Variants in SP140L observed in about 807,000 individuals in gnomAD.
SP140L encodes the protein SP140 like nuclear body protein.
A neutral mutation model predicts 84.3 loss-of-function variants in SP140L; 64 were observed. That is an observed-to-expected ratio of 0.76 (90% confidence interval 0.62 to 0.94). The LOEUF (loss-of-function observed/expected upper bound fraction) is 0.94. Ranked by LOEUF, SP140L falls within the 40% of genes least tolerant of loss-of-function variation. The pLI, the probability that SP140L is intolerant of heterozygous loss-of-function variation, is 0.00. For missense variants in SP140L, 628 were observed against 692.5 expected (o/e 0.91, Z 1.05); for synonymous variants, 242 against 236.9 (o/e 1.02, Z -0.20).
At chr2:230,361,201 G>A (rs1049115370) in intron 4 of SP140L, among the ~76,000 whole-genome samples, 14 of 152,048 alleles carry the variant, frequency 9.2e-5, no homozygotes, top group South Asian at 2.1e-4. Flanking sequence ...ATGCTCCTGC[G>A]TCACCATCCC....
intron 2 of SP140L, among the ~76,000 whole-genome samples, chr2:230,354,000 C>T (rs542061062): frequency 1.2e-4 from 18 of 152,052 alleles, no homozygotes; most frequent in Non-Finnish European, 2.5e-4. Context: ...GAAACAAATT[C>T]CTTAACTCAG....
At chr2:230,388,464 G>A (rs1198978995) in intron 9 of SP140L, 95 bp from the exon 10 acceptor site, 7 of 1,007,344 alleles carry the variant, frequency 6.9e-6, no homozygotes, top group African/African-American at 1.7e-5. Flanking sequence ...ACAGGCTTTT[G>A]GAAAGTTACA....
At chr2:230,393,595 T>G in intron 13 of SP140L, 134 bp downstream of exon 13, 1 of 1,081,358 alleles carries the variant, frequency 9.2e-7, no homozygotes, top group Non-Finnish European at 1.2e-6. Flanking sequence ...CATATAAATT[T>G]TTTTAATATA....
At chr2:230,352,829 T>C (rs973747421) in intron 2 of SP140L, among the ~76,000 whole-genome samples, 1 of 151,156 alleles carries the variant, frequency 6.6e-6, no homozygotes, top group African/African-American at 2.4e-5. Context: ...TATATATATA[T>C]TTGTATACAC....
At chr2:230,398,961 T>G (rs561636494) in intron 14 of SP140L, among the ~76,000 whole-genome samples, 2 of 152,318 alleles carry the variant, frequency 1.3e-5, no homozygotes, top group African/African-American at 4.8e-5. Flanking sequence ...TCAGAAGTGT[T>G]GGTAGGAAAC....
chr2:230,376,614 A>T (rs2061247313), intron 7 of SP140L, among the ~76,000 whole-genome samples: 1 of 152,220 alleles, frequency 6.6e-6, no homozygotes. Context: ...CTGTTCATAA[A>T]CTGGAAGAAT....
intron 2 of SP140L, among the ~76,000 whole-genome samples, chr2:230,336,831 A>G (rs1388507115): frequency 1.3e-5 from 2 of 152,148 alleles, no homozygotes; most frequent in Non-Finnish European, 2.9e-5. Flanking sequence ...AGACTGGTAG[A>G]ATATATCTTT....
intron 4 of SP140L, 29 bp from the exon 5 acceptor site, chr2:230,361,585 A>C (rs1461383491): frequency 1.3e-6 from 2 of 1,530,270 alleles, no homozygotes; most frequent in South Asian, 1.2e-5. Context: ...CAGATCTTTA[A>C]TTGCTTTCTT....
intron 11 of SP140L, among the ~76,000 whole-genome samples, chr2:230,391,249 T>G (rs73112337): frequency 0.027 from 4,188 of 152,338 alleles, 200 homozygotes; most frequent in African/African-American, 0.095. Flanking sequence ...AAGGAATTGC[T>G]GAGTCAAATG....
intron 5 of SP140L, 60 bp from the exon 6 acceptor site, chr2:230,370,848 C>A: frequency 6.5e-7 from 1 of 1,548,230 alleles, no homozygotes; most frequent in Non-Finnish European, 8.9e-7. Context: ...AATTTTGCCC[C>A]GGGAGCAGAG....
intron 10 of SP140L, among the ~76,000 whole-genome samples, chr2:230,389,653 T>C (rs725202): frequency 0.27 from 41,243 of 152,066 alleles, 5,981 homozygotes; most frequent in Non-Finnish European, 0.31. Context: ...TGGAGCTTAC[T>C]ACACTGGAAG....
At chr2:230,336,635 C>A (rs193028534) in intron 2 of SP140L, among the ~76,000 whole-genome samples, 86 of 152,320 alleles carry the variant, frequency 5.6e-4, no homozygotes, top group Middle Eastern at 3.4e-3. Flanking sequence ...ACCCAGAATG[C>A]TCATTATTTT....
intron 2 of SP140L, among the ~76,000 whole-genome samples, chr2:230,329,660 A>G (rs1485651579): frequency 6.6e-6 from 1 of 152,124 alleles, no homozygotes. Flanking sequence ...TGAAGAAGAC[A>G]CTTGCTTCTC....
In SP140L at chr2:230,373,141, A is replaced by G. The variant is rs1340748205; in HGVS notation, c.637+1490A>G. ...CAGTTGGTTCATGAGGTTGAAGGAA[A>G]GAAGCTGTTTCATAACATTAAAGGG... is the stretch of plus-strand genomic sequence containing the variant. On this transcript the variant is annotated intron_variant, in intron 7 of 18. Transcript: ENST00000415673. Among the ~76,000 whole-genome samples, 3 of 152,374 alleles carry G rather than the reference A, an allele frequency of 2.0e-5. No individual in the cohort carries two copies. The East Asian group carries it at 5.8e-4, about 29-fold the overall frequency.
chr2:230,371,462 T>C, intron 6 of SP140L, 136 bp from the exon 7 acceptor site: 5 of 840,662 alleles, frequency 5.9e-6, no homozygotes, highest in Non-Finnish European at 7.4e-6. Context: ...GGGTTTTTGG[T>C]TCCTCTAGAA....
chr2:230,354,245 TC>T (rs1435844007), intron 2 of SP140L, among the ~76,000 whole-genome samples: 2 of 152,166 alleles, frequency 1.3e-5, no homozygotes, highest in African/African-American at 4.8e-5. Flanking sequence ...ACTTTGGAAA[TC>T]AATCAATGTG....
intron 5 of SP140L, among the ~76,000 whole-genome samples, chr2:230,363,295 G>C (rs1333265580): frequency 6.6e-6 from 1 of 152,136 alleles, no homozygotes; most frequent in Non-Finnish European, 1.5e-5. Flanking sequence ...CAGTGTACAA[G>C]AGTTTCCTTT....
intron 7 of SP140L, among the ~76,000 whole-genome samples, chr2:230,379,737 G>C (rs1262494638): frequency 6.6e-6 from 1 of 151,994 alleles, no homozygotes; most frequent in African/African-American, 2.4e-5. Flanking sequence ...ATTTTAGGTT[G>C]ATATTTATTT....
intron 9 of SP140L, among the ~76,000 whole-genome samples, chr2:230,388,223 A>G (rs1427366854): frequency 6.6e-6 from 1 of 152,234 alleles, no homozygotes; most frequent in African/African-American, 2.4e-5. Context: ...TATATTTCAA[A>G]TATATATTTG....
Sources: gnomAD v4.1 joint callset for allele counts (sites outside exome capture counted in the v4.1 genomes callset) on GRCh38, gnomAD v4.1.1 for gene constraint, MANE v1.5 for transcripts, NCBI Gene and HGNC (gene_info 2026-07-23, HGNC 2026-07-21) for gene names.